NCKAP5: variants seen among roughly 807,000 people sequenced by gnomAD.
The protein encoded by NCKAP5 is nck-associated protein 5.
NCKAP5 carries 92 observed loss-of-function variants against 167.0 expected under a neutral mutation model. That is an observed-to-expected ratio of 0.55 (90% CI 0.47 to 0.66). The LOEUF (loss-of-function observed/expected upper bound fraction) is 0.66. NCKAP5 is among the 30% of genes least tolerant of loss of function. The pLI is 0.00. For synonymous variants in NCKAP5, 891 were observed against 877.4 expected (o/e 1.02, Z -0.27); for missense variants, 2,378 against 2,315.0 (o/e 1.03, Z -0.56).
Position 133,130,041 on chromosome 2 carries a change from T to A in NCKAP5, c.278A>T (p.Glu93Val). 2 of 1,611,870 alleles carry A rather than the reference T, an allele frequency of 1.2e-6. No homozygotes were observed. Among genetic ancestry groups the A allele is most frequent in the Non-Finnish European group, 1.7e-6 (2 of 1,179,132 alleles). ...GTTGCGTTCAGACTCTAGGGTCACC[T>A]CCTGCAACCGCTTCTCGCTTTGAAG... ...LRLQSEKRLQ[E>V]VTLESERNRI... Residue 93 changes from glutamate to valine, a missense_variant, in exon 6 of 20, where the codon GAG (glutamate) becomes GTG (valine). Coordinates refer to ENST00000409261, the MANE Select transcript of NCKAP5 (RefSeq NM_207363.3).
At chr2:133,063,051 G>T (rs2080064689) in intron 6 of NCKAP5, among the ~76,000 whole-genome samples, 1 of 152,150 alleles carries the variant, frequency 6.6e-6, no homozygotes, top group African/African-American at 2.4e-5. Context: ...GCAAAACCCA[G>T]CTCCCATGGA....
chr2:133,428,566 C>T (rs1034051882), intron 3 of NCKAP5, among the ~76,000 whole-genome samples: 3 of 151,970 alleles, frequency 2.0e-5, no homozygotes, highest in Non-Finnish European at 4.4e-5. Context: ...TTTATAAACT[C>T]GGAGTAAAAG....
At chr2:133,382,255 T>C (rs1686581933) in intron 3 of NCKAP5, among the ~76,000 whole-genome samples, 1 of 152,204 alleles carries the variant, frequency 6.6e-6, no homozygotes, top group Non-Finnish European at 1.5e-5. Context: ...ACCCCATTAC[T>C]ATGGTAGTGT....
At chr2:133,267,593 C>A (rs904083803) in intron 4 of NCKAP5, among the ~76,000 whole-genome samples, 1 of 152,156 alleles carries the variant, frequency 6.6e-6, no homozygotes, top group Non-Finnish European at 1.5e-5. Flanking sequence ...AGGAAATCTG[C>A]TTTGGGCAAG....
Position 132,773,866 on chromosome 2 carries a change from T to C in NCKAP5, c.5078A>G (p.Glu1693Gly). ...ATCTGCAACTGCATCGTCTTCATCC[T>C]CTTGCAAGTTTTCATTTGCCTCTTT... ...LVKEANENLQ[E>G]DEDDAVADSV... is the part of the protein sequence containing the mutation. The change falls in exon 16 of 20, where the codon GAG becomes GGG. Residue 1693 changes from glutamate to glycine, a missense_variant. Physicochemically the swap from Glu to Gly is moderately conservative, Grantham distance 98. Coordinates refer to ENST00000409261, the MANE Select transcript of NCKAP5 (RefSeq NM_207363.3). 1 of 1,610,892 alleles carries C rather than the reference T, an allele frequency of 6.2e-7. No individual in the cohort carries two copies. Among genetic ancestry groups the C allele is most frequent in the Non-Finnish European group, 8.5e-7 (1 of 1,179,026 alleles).
chr2:133,528,299 A>C (rs1685086973), intron 2 of NCKAP5, among the ~76,000 whole-genome samples: 1 of 148,156 alleles, frequency 6.7e-6, no homozygotes, highest in South Asian at 2.2e-4. Context: ...TTGAGCAATA[A>C]AAATCAAAAC....
At chr2:132,965,325 T>C (rs58125250) in intron 7 of NCKAP5, among the ~76,000 whole-genome samples, 8,099 of 152,230 alleles carry the variant, frequency 0.053, 588 homozygotes, top group East Asian at 0.16. Flanking sequence ...AGCATTTTTA[T>C]AGCTTTGATT....
At chr2:133,198,841 C>T (rs939384720) in intron 5 of NCKAP5, among the ~76,000 whole-genome samples, 8 of 151,928 alleles carry the variant, frequency 5.3e-5, no homozygotes, top group East Asian at 1.9e-4. Context: ...ATCTTGGAAA[C>T]GAACAAAGTT....
chr2:133,299,164 A>G (rs1680176728), intron 4 of NCKAP5, among the ~76,000 whole-genome samples: 1 of 152,226 alleles, frequency 6.6e-6, no homozygotes, highest in Non-Finnish European at 1.5e-5. Context: ...AATATTCTCT[A>G]TTACTGTAAT....
At chr2:133,022,059 A>C (rs1012675793) in intron 6 of NCKAP5, among the ~76,000 whole-genome samples, 1 of 152,238 alleles carries the variant, frequency 6.6e-6, no homozygotes, top group Non-Finnish European at 1.5e-5. Flanking sequence ...CAGCCAACAG[A>C]AAACAGCACA....
At chr2:133,440,688 C>T (rs554906859) in intron 3 of NCKAP5, among the ~76,000 whole-genome samples, 9 of 113,394 alleles carry the variant, frequency 7.9e-5, no homozygotes, top group East Asian at 5.9e-4. Context: ...CCAGCCTGGG[C>T]GACAGAGTGA....
intron 3 of NCKAP5, among the ~76,000 whole-genome samples, chr2:133,461,739 A>G (rs531686221): frequency 6.6e-6 from 1 of 152,226 alleles, no homozygotes; most frequent in Non-Finnish European, 1.5e-5. Flanking sequence ...GATTGCAAAG[A>G]GAACTGAGAA....
the NCKAP5 span, among the ~76,000 whole-genome samples, chr2:133,671,530 AGAG>A: frequency 5.9e-5 from 9 of 152,142 alleles, no homozygotes; most frequent in Middle Eastern, 3.4e-3. Context: ...TTTTATAAGA[AGAG>A]GAGGAGAGAC....
the NCKAP5 span, among the ~76,000 whole-genome samples, chr2:133,618,746 G>A: frequency 6.7e-6 from 1 of 149,970 alleles, no homozygotes; most frequent in South Asian, 2.1e-4. Context: ...AGTCAGTGTG[G>A]CGATTCCTCA....
At chr2:133,109,405 T>C (rs927741737) in intron 6 of NCKAP5, among the ~76,000 whole-genome samples, 9 of 152,180 alleles carry the variant, frequency 5.9e-5, no homozygotes, top group African/African-American at 2.2e-4. Context: ...ACTAAATCAG[T>C]AATGCTTTCT....
chr2:132,834,682 T>A (rs549962345), intron 11 of NCKAP5, among the ~76,000 whole-genome samples: 1 of 152,212 alleles, frequency 6.6e-6, no homozygotes, highest in African/African-American at 2.4e-5. Flanking sequence ...AGAGACAAGG[T>A]CTTGCTATGT....
At chr2:132,994,683 G>A (rs889369646) in intron 6 of NCKAP5, among the ~76,000 whole-genome samples, 2 of 152,156 alleles carry the variant, frequency 1.3e-5, no homozygotes, top group Admixed American at 6.5e-5. Flanking sequence ...ATGACAGCAC[G>A]TAAAGATTTA....
At chr2:133,671,899 A>G in the NCKAP5 span, among the ~76,000 whole-genome samples, 29 of 152,170 alleles carry the variant, frequency 1.9e-4, no homozygotes, top group Non-Finnish European at 3.1e-4. Flanking sequence ...ACAAGATTTT[A>G]TATGCCTGCT....
chr2:133,436,108 C>G (rs888632473), intron 3 of NCKAP5, among the ~76,000 whole-genome samples: 9 of 152,194 alleles, frequency 5.9e-5, no homozygotes, highest in Non-Finnish European at 1.0e-4. Flanking sequence ...ACCATCCCCC[C>G]ACTCCCCAAA....
Sources: gnomAD v4.1 joint callset for allele counts (sites outside exome capture counted in the v4.1 genomes callset) on GRCh38, gnomAD v4.1.1 for gene constraint, MANE v1.5 for transcripts, NCBI Gene and HGNC (gene_info 2026-07-23, HGNC 2026-07-21) for gene names.